Variants in PHF2 observed in about 807,000 individuals in gnomAD.
PHF2 encodes lysine-specific demethylase PHF2.
Under a neutral mutation model 120.5 loss-of-function variants are expected in PHF2, and 27 were observed. The ratio of observed to expected loss-of-function variants is 0.22; its 90% confidence interval spans 0.17 to 0.31. PHF2 has a LOEUF of 0.31. Among genes scored for constraint, PHF2 ranks in the 10% least tolerant of loss-of-function variants. The pLI, the probability that PHF2 is intolerant of heterozygous loss-of-function variation, is 1.00. For missense variants in PHF2, 1,024 were observed against 1,434.8 expected (o/e 0.71, Z 4.63); for synonymous variants, 568 against 592.5 (o/e 0.96, Z 0.60).
chr9:93,657,580 A>G (rs1826483206), intron 9 of PHF2, among the ~76,000 whole-genome samples: 1 of 152,166 alleles, frequency 6.6e-6, no homozygotes, highest in Non-Finnish European at 1.5e-5. Context: ...AGTGGACGAC[A>G]GTTCAGTTGG....
rs774927636 is a variant in PHF2 at position 93,675,754 on chromosome 9, G to A, written c.2797G>A (p.Gly933Arg). The A allele has an allele frequency of 8.1e-6, 13 of 1,612,262 alleles. No individual in the cohort carries two copies. The highest frequency in any genetic ancestry group is 2.7e-5 in the African/African-American group (2 of 74,892). ...TACACGGGTGGCTTCCATCGAGACC[G>A]GGCTGGCGGCTGCTGCAGCTAAGTT... Reference protein sequence around the residue: ...EGTRVASIETGLAAAAAKLSQ... With the variant: ...EGTRVASIETRLAAAAAKLSQ... Residue 933 changes from glycine (G) to arginine (R), a missense_variant, in exon 20 of 22, where the codon GGG becomes AGG. Gly to Arg is a moderately radical substitution (Grantham distance 125, BLOSUM62 -2). Around this residue, in one of 2 missense-constraint regions of PHF2, gnomAD observed 677 missense variants for 857.4 expected, o/e 0.79. Coordinates refer to ENST00000359246, the MANE Select transcript of PHF2 (RefSeq NM_005392.4).
At chr9:93,606,785 A>G (rs934743013) in intron 1 of PHF2, among the ~76,000 whole-genome samples, 9 of 152,224 alleles carry the variant, frequency 5.9e-5, no homozygotes, top group Admixed American at 1.3e-4. Flanking sequence ...ACTGAAGGCC[A>G]TCTAGATTTT....
chr9:93,579,592 G>T (rs1391778626), intron 1 of PHF2, among the ~76,000 whole-genome samples: 2 of 151,958 alleles, frequency 1.3e-5, no homozygotes, highest in Non-Finnish European at 2.9e-5. Flanking sequence ...CGAAAATATT[G>T]CTTTTAAAAG....
intron 20 of PHF2, among the ~76,000 whole-genome samples, 158 bp downstream of exon 20, chr9:93,675,947 A>G (rs79124552): frequency 6.6e-6 from 1 of 152,156 alleles, no homozygotes; most frequent in South Asian, 2.1e-4. Context: ...AGAGTGCCCT[A>G]TTCCTCCAGG....
At chr9:93,595,704 A>T (rs1235276831) in intron 1 of PHF2, among the ~76,000 whole-genome samples, 2 of 152,262 alleles carry the variant, frequency 1.3e-5, no homozygotes, top group Non-Finnish European at 2.9e-5. Context: ...ATATGTGTGT[A>T]TACATACCTG....
At chr9:93,623,786 C>G (rs75843233) in intron 1 of PHF2, among the ~76,000 whole-genome samples, 2 of 152,172 alleles carry the variant, frequency 1.3e-5, no homozygotes, top group African/African-American at 4.8e-5. Flanking sequence ...ATAGAGTGAA[C>G]TTTATATTTT....
intron 1 of PHF2, among the ~76,000 whole-genome samples, chr9:93,579,627 T>C (rs1862897021): frequency 6.6e-6 from 1 of 152,204 alleles, no homozygotes; most frequent in Non-Finnish European, 1.5e-5. Context: ...TTTCCTGAAA[T>C]AAAACATTAC....
intron 17 of PHF2, 134 bp downstream of exon 17, chr9:93,667,374 C>A: frequency 7.3e-6 from 7 of 957,524 alleles, no homozygotes; most frequent in Non-Finnish European, 1.1e-5. Context: ...TGGGCCTGGG[C>A]AGAAGGGCAC....
At chr9:93,642,857 T>C (rs1285955897) in intron 3 of PHF2, among the ~76,000 whole-genome samples, 2 of 152,238 alleles carry the variant, frequency 1.3e-5, no homozygotes, top group Non-Finnish European at 2.9e-5. Context: ...ATCTACTGTT[T>C]AGTGCATCCA....
chr9:93,662,748 G>A (rs1290296064), intron 12 of PHF2, among the ~76,000 whole-genome samples, 159 bp from the exon 13 acceptor site: 1 of 151,792 alleles, frequency 6.6e-6, no homozygotes, highest in East Asian at 1.9e-4. Context: ...GGGTGAATGG[G>A]TACATCGATG....
chr9:93,677,439 C>T lies in PHF2; in HGVS notation c.3203-149C>T, dbSNP rs565573708. On this transcript the variant is annotated intron_variant, in intron 21 of 21. Transcript: ENST00000359246. The surrounding 1 kb of genome is among the most constrained non-coding windows in gnomAD (Gnocchi z 4.4). Reference sequence around the variant, plus strand: ...CCAGACTCCTGAAGGGTGCTGAGCTCGGAGCTGGGGCTTCATAGGCCCATT... The same window carrying T: ...CCAGACTCCTGAAGGGTGCTGAGCTTGGAGCTGGGGCTTCATAGGCCCATT... 7.3e-5 allele frequency: 50 copies of T among 682,594 alleles called. No individual in the cohort carries two copies. The highest frequency in any genetic ancestry group is 6.8e-4 in the East Asian group (27 of 39,692). The allele number at this position is 682,594 out of a possible 1,614,324, so 42.3% of individuals were successfully genotyped here.
At chr9:93,615,989 G>C (rs1050365564) in intron 1 of PHF2, among the ~76,000 whole-genome samples, 1 of 152,226 alleles carries the variant, frequency 6.6e-6, no homozygotes, top group African/African-American at 2.4e-5. Flanking sequence ...CTCATTTTCT[G>C]TGATTTAGGA....
intron 1 of PHF2, chr9:93,594,946 C>T (rs1269523847): frequency 6.5e-6 from 1 of 153,920 alleles, no homozygotes; most frequent in East Asian, 1.9e-4. Flanking sequence ...AATGGAGATT[C>T]TTCCTGCACA....
chr9:93,642,637 T>C lies in PHF2; in HGVS notation c.300-2992T>C, dbSNP rs188086072. 2.4e-3 allele frequency among the ~76,000 whole-genome samples: 359 copies of C among 152,348 alleles called. 1 individual carries two copies. The highest frequency in any genetic ancestry group is 8.2e-3 in the African/African-American group (341 of 41,580). ...TAGTCTAGTTGCTGTTTCTTTATAT[T>C]GTTTGATGTACTCAGTACATGAGTG... On this transcript the variant is annotated intron_variant, in intron 3 of 21. Transcript: ENST00000359246.
At chr9:93,651,300 T>C (rs1206269243) in intron 5 of PHF2, among the ~76,000 whole-genome samples, 1 of 152,192 alleles carries the variant, frequency 6.6e-6, no homozygotes, top group Non-Finnish European at 1.5e-5. Context: ...GAGAGATGTC[T>C]AGGCTATGGA....
chr9:93,659,711 G>C, intron 11 of PHF2, 111 bp downstream of exon 11: 1 of 974,830 alleles, frequency 1.0e-6, no homozygotes, highest in Non-Finnish European at 1.6e-6. Context: ...GTCTGGGAAG[G>C]CCAGTGCCCC....
chr9:93,586,700 T>C (rs1338861566), intron 1 of PHF2, among the ~76,000 whole-genome samples: 2 of 152,282 alleles, frequency 1.3e-5, no homozygotes, highest in East Asian at 3.8e-4. Flanking sequence ...CGACTGGGCT[T>C]GGTTCCTTGT....
chr9:93,618,036 G>C (rs912097390), intron 1 of PHF2, among the ~76,000 whole-genome samples: 1 of 152,264 alleles, frequency 6.6e-6, no homozygotes, highest in African/African-American at 2.4e-5. Context: ...AGTCACTGCA[G>C]TGTCTCATCA....
intron 1 of PHF2, 44 bp downstream of exon 1, chr9:93,576,915 C>A: frequency 2.2e-6 from 2 of 905,760 alleles, no homozygotes; most frequent in Non-Finnish European, 1.3e-6. Flanking sequence ...CCCGGCCCGG[C>A]CACCTTGCCC....
Sources: allele counts gnomAD v4.1 joint callset (sites outside exome capture counted in the v4.1 genomes callset), GRCh38; gene constraint gnomAD v4.1.1; regional missense constraint gnomAD v4.1.1; non-coding constraint Gnocchi (gnomAD v3.1); transcripts MANE v1.5; gene names NCBI Gene and HGNC (gene_info 2026-07-23, HGNC 2026-07-21).